SLC9A6: variants seen among roughly 807,000 people sequenced by gnomAD.
SLC9A6 encodes sodium/hydrogen exchanger 6.
SLC9A6 carries 6 observed loss-of-function variants against 45.3 expected under a neutral mutation model. The observed-to-expected ratio is 0.13, with a 90% CI of 0.07 to 0.26. The LOEUF (loss-of-function observed/expected upper bound fraction) is 0.26. SLC9A6 is among the 10% of genes least tolerant of loss of function. SLC9A6 has a pLI of 1.00. For synonymous variants in SLC9A6, 191 were observed against 187.7 expected, an observed-to-expected ratio of 1.02 and a Z score of -0.14; for missense variants, 278 against 503.7, an observed-to-expected ratio of 0.55 and a Z score of 4.29.
At chrX:136,044,236 G>C (rs1299480067) in intron 17 of SLC9A6, among the ~76,000 whole-genome samples, 4 of 111,240 alleles carry the variant, frequency 3.6e-5, no homozygotes, top group African/African-American at 1.3e-4. Flanking sequence ...GCAGACAATG[G>C]GGCCTTTGGT....
chrX:135,975,314 T>C (rs1603179396), intron 1 of SLC9A6: 1 of 112,464 alleles, frequency 8.9e-6, no homozygotes, highest in African/African-American at 3.2e-5. Context: ...CAAAGTATGA[T>C]CACCATTCTT....
rs782060423 is a variant in SLC9A6 at position 135,998,979 on chromosome X, TA to T, written c.637+12del. On this transcript the variant is annotated intron_variant, in intron 6 of 17. Coordinates refer to ENST00000630721, the MANE Select transcript of SLC9A6 (RefSeq NM_001379110.1). ...CAGCAACTGATCCAGGTATGTTTTA[TA>T]TGAGTGGAGTTTACATACTTGAGGT... 22 of 1,054,679 alleles carry T rather than the reference TA, an allele frequency of 2.1e-5. No homozygotes were observed. The highest frequency in any genetic ancestry group is 2.8e-5 in the Non-Finnish European group (21 of 753,720). 86.9% of individuals were successfully genotyped at this position (1,054,679 alleles called of 1,213,427 possible).
chrX:136,020,861 AT>A lies in SLC9A6; in HGVS notation c.1195-1713del, dbSNP rs375131768. Among the ~76,000 whole-genome samples the A allele has an allele frequency of 2.2e-3, 224 of 103,750 alleles. 1 individual carries two copies. The highest frequency in any genetic ancestry group is 0.014 in the Middle Eastern group (3 of 207). 90.1% of individuals were successfully genotyped at this position (103,750 alleles called of 115,157 possible). A position where few individuals can be genotyped will look rare whatever the true frequency, so the allele number is the denominator to read the frequency against. Reference sequence around the variant, plus strand: ...ATTTTTATCTTCATCATTGTTTTTAATTTTTTTTTTTTGAGTACTTCCTTAC... The same window carrying A: ...ATTTTTATCTTCATCATTGTTTTTAATTTTTTTTTTTGAGTACTTCCTTAC... On this transcript the variant is annotated intron_variant, in intron 11 of 17. Transcript: ENST00000630721.
intron 13 of SLC9A6, among the ~76,000 whole-genome samples, chrX:136,027,160 A>G (rs1248902200): frequency 8.9e-6 from 1 of 112,320 alleles, no homozygotes; most frequent in Non-Finnish European, 1.9e-5. Context: ...ACAATAAGCT[A>G]GTAACACATA....
At chrX:136,035,740 TTTTGTTTG>T (rs782184098) in intron 16 of SLC9A6, among the ~76,000 whole-genome samples, 24 of 109,966 alleles carry the variant, frequency 2.2e-4, no homozygotes, top group East Asian at 8.6e-4. Context: ...TTAACGTGTT[TTTTGTTTG>T]TTTGTTTGTT....
At chrX:136,020,861 A>AT (rs375131768) in intron 11 of SLC9A6, among the ~76,000 whole-genome samples, 1,234 of 103,787 alleles carry the variant, frequency 0.012, 18 homozygotes, top group African/African-American at 0.03. Context: ...ATTGTTTTTA[A>AT]TTTTTTTTTT....
At chrX:136,020,560 A>G (rs1399276011) in intron 11 of SLC9A6, among the ~76,000 whole-genome samples, 1 of 111,226 alleles carries the variant, frequency 9.0e-6, no homozygotes, top group African/African-American at 3.3e-5. Context: ...CAGTAGAGGC[A>G]GGGTTTCGCC....
rs1267596728 is a variant in SLC9A6 at position 136,028,961 on chromosome X, T to G, written c.1536T>G (p.Phe512Leu). Residue 512 changes from phenylalanine (F) to leucine (L), a missense_variant, in exon 14 of 18, where the codon TTT (phenylalanine) becomes TTG (leucine). This residue lies in a region of SLC9A6 where 15 missense variants were observed against 58.1 expected (regional missense o/e 0.26). Coordinates refer to ENST00000630721, the MANE Select transcript of SLC9A6 (RefSeq NM_001379110.1). ...ACCCTCAAGGAACTCACAGTCTTTT[T>G]GGGGAGACTGACAGGTAAATAACTA... ...GLYPQGTHSL[F>L]GETDRVGVDS... The G allele has an allele frequency of 1.4e-5, 4 of 295,096 alleles. No individual in the cohort carries two copies. Among genetic ancestry groups the G allele is most frequent in the Non-Finnish European group, 2.4e-5 (4 of 169,770 alleles). The allele number at this position is 295,096 out of a possible 1,213,427, so 24.3% of individuals were successfully genotyped here.
At chrX:136,011,918 G>A (rs1556618696) in intron 8 of SLC9A6, among the ~76,000 whole-genome samples, 1 of 110,842 alleles carries the variant, frequency 9.0e-6, no homozygotes, top group East Asian at 2.9e-4. Flanking sequence ...GTGAAACCCC[G>A]TCTCTACTAA....
rs1384789668 is a variant in SLC9A6, at chrX:136,022,483, T to A, written c.1195-103T>A. On this transcript the variant is annotated intron_variant, in intron 11 of 17. Coordinates refer to ENST00000630721, the MANE Select transcript of SLC9A6 (RefSeq NM_001379110.1). ...ACAATGGAACCAAGAGACTGTGTGT[T>A]AGAAACTGAGTTCCCTAAAATAGTC... 3 of 477,369 alleles carry A rather than the reference T, an allele frequency of 6.3e-6. No homozygotes were observed. In the African/African-American group the frequency reaches 7.3e-5, roughly 12 times the overall value. 39.3% of individuals were successfully genotyped at this position (477,369 alleles called of 1,213,427 possible). A position where few individuals can be genotyped will look rare whatever the true frequency, so the allele number is the denominator to read the frequency against.
At chrX:135,975,981 CAA>C (rs782541566) in intron 1 of SLC9A6, among the ~76,000 whole-genome samples, 4 of 62,462 alleles carry the variant, frequency 6.4e-5, no homozygotes, top group African/African-American at 1.9e-4. Context: ...TTTCTCTAAC[CAA>C]AAAAAAAAAA....
Position 136,040,612 on chromosome X carries a change from C to T in SLC9A6, c.1767+431C>T, listed in dbSNP as rs782344948. On this transcript the variant is annotated intron_variant, in intron 17 of 17. Coordinates refer to ENST00000630721, the MANE Select transcript of SLC9A6 (RefSeq NM_001379110.1). Reference sequence around the variant, plus strand: ...TGGTCTATTATTTCACACCTCCCAACCTTTGGATGTTTGGGAAAGCTATCT... The same window carrying T: ...TGGTCTATTATTTCACACCTCCCAATCTTTGGATGTTTGGGAAAGCTATCT... Among the ~76,000 whole-genome samples, 225 of 111,838 alleles carry T rather than the reference C, an allele frequency of 2.0e-3. 2 individuals are homozygous for T. Among genetic ancestry groups the T allele is most frequent in the Middle Eastern group, 9.2e-3 (2 of 217 alleles).
chrX:136,044,096 A>G (rs2071558238), intron 17 of SLC9A6, among the ~76,000 whole-genome samples: 1 of 112,070 alleles, frequency 8.9e-6, no homozygotes, highest in Admixed American at 9.5e-5. Context: ...TAGAAGCTCA[A>G]GGAAGACTTC....
intron 6 of SLC9A6, among the ~76,000 whole-genome samples, chrX:135,999,985 G>A (rs1185540991): frequency 9.1e-6 from 1 of 110,318 alleles, no homozygotes; most frequent in African/African-American, 3.3e-5. Context: ...AGTGGCTCAT[G>A]CATATAAATG....
At position 136,044,684 on chromosome X, in the gene SLC9A6, C is replaced by T. The variant is rs782228236; in HGVS notation, c.2000C>T (p.Pro667Leu). The part of the protein sequence containing the change: ...LVLPMDDSEP[P>L]LNLLDNTRHG... Reference sequence around the variant, plus strand: ...CTTCCAATGGATGATTCTGAACCCCCGCTAAATTTGTTAGATAATACGAGA... The same window carrying T: ...CTTCCAATGGATGATTCTGAACCCCTGCTAAATTTGTTAGATAATACGAGA... The change falls in exon 18 of 18, where the codon CCG becomes CTG. Residue 667 changes from proline to leucine, a missense_variant. Pro to Leu is a moderately conservative substitution (Grantham distance 98). Around this residue, in one of 5 missense-constraint regions of SLC9A6, gnomAD observed 91 missense variants for 125.1 expected, o/e 0.73. Transcript: ENST00000630721. The T allele has an allele frequency of 1.7e-6, 2 of 1,210,465 alleles. No homozygotes were observed. Among genetic ancestry groups the T allele is most frequent in the African/African-American group, 3.5e-5 (2 of 57,654 alleles).
At chrX:136,013,680 G>A (rs2070966014) in intron 10 of SLC9A6, among the ~76,000 whole-genome samples, 1 of 111,640 alleles carries the variant, frequency 9.0e-6, no homozygotes, top group African/African-American at 3.3e-5. Flanking sequence ...AATAACCAGT[G>A]AAGTAGCTTC....
chrX:136,016,844 A>T (rs2071028691), intron 11 of SLC9A6, 86 bp downstream of exon 11: 3 of 509,429 alleles, frequency 5.9e-6, no homozygotes, highest in Non-Finnish European at 1.0e-5. Context: ...ATAAGAATAC[A>T]TTTAAATATA....
chrX:136,032,210 G>A (rs782626852), intron 15 of SLC9A6, among the ~76,000 whole-genome samples: 1 of 112,268 alleles, frequency 8.9e-6, no homozygotes, highest in East Asian at 2.8e-4. Context: ...TGAGACTATA[G>A]GTGCCTGCCA....
intron 7 of SLC9A6, among the ~76,000 whole-genome samples, chrX:136,008,644 C>A (rs2148167057): frequency 9.0e-6 from 1 of 111,716 alleles, no homozygotes; most frequent in African/African-American, 3.2e-5. Flanking sequence ...GCATGTAACA[C>A]AAAGAGGGGA....
Sources: gnomAD v4.1 joint callset for allele counts (sites outside exome capture counted in the v4.1 genomes callset) on GRCh38, gnomAD v4.1.1 for gene constraint, gnomAD v4.1.1 regional missense constraint, MANE v1.5 for transcripts, NCBI Gene and HGNC (gene_info 2026-07-23, HGNC 2026-07-21) for gene names.